NUDT12: variants seen among roughly 807,000 people sequenced by gnomAD.
NUDT12 encodes the protein nudix hydrolase 12, also known as NAD-capped RNA hydrolase NUDT12.
A neutral mutation model predicts 45.7 loss-of-function variants in NUDT12; 42 were observed. The ratio of observed to expected loss-of-function variants is 0.92; its 90% CI spans 0.72 to 1.19. NUDT12 has a LOEUF of 1.19. Among genes scored for constraint, NUDT12 ranks in the 50% most tolerant of loss-of-function variants. The pLI, the probability that NUDT12 is intolerant of heterozygous loss-of-function variation, is 0.00. For missense variants in NUDT12, 590 were observed against 533.1 expected (o/e 1.11, Z -1.05); for synonymous variants, 206 against 179.7 (o/e 1.15, Z -1.17).
At position 103,550,126 on chromosome 5, in the gene NUDT12, A is replaced by T. The variant is rs1038484567; in HGVS notation, c.*735T>A. 2.0e-5 allele frequency: 3 copies of T among 152,216 alleles called. No homozygotes were observed. The highest frequency in any genetic ancestry group is 4.8e-5 in the African/African-American group (2 of 41,452). 9.4% of individuals were successfully genotyped at this position (152,216 alleles called of 1,614,324 possible). On this transcript the variant is annotated 3_prime_UTR_variant, in exon 7 of 7. Transcript: ENST00000230792. ...GTTTGTCTTAATAACAGCTTTAGGT[A>T]TAAGTAACATATAAGTAGATATGTT... is the stretch of plus-strand genomic sequence containing the variant.
intron 2 of NUDT12, 84 bp downstream of exon 2, chr5:103,559,959 G>C (rs770233487): frequency 6.8e-5 from 66 of 965,332 alleles, no homozygotes; most frequent in Non-Finnish European, 9.7e-5. Flanking sequence ...TATAAATATG[G>C]AAACAAGCAA....
chr5:103,561,161 T>C (rs916432620), intron 1 of NUDT12, among the ~76,000 whole-genome samples: 1 of 152,082 alleles, frequency 6.6e-6, no homozygotes, highest in Non-Finnish European at 1.5e-5. Flanking sequence ...TTCTTCTTTC[T>C]ATGAAATGCT....
rs1748938992 is a variant in NUDT12 at position 103,559,226 on chromosome 5, A to C, written c.449T>G (p.Phe150Cys). ...LAKESHPATV[F>C]ILFSDLNPLV... ...GGGATTTAAATCTGAGAAAAGAATA[A>C]AAACTGTGGCTGGATGGCTTTCTTT... The change falls in exon 3 of 7, where the codon TTT (phenylalanine) becomes TGT (cysteine). Residue 150 changes from phenylalanine to cysteine, a missense_variant. Transcript: ENST00000230792. 6.4e-7 allele frequency: 1 copy of C among 1,565,990 alleles called. No individual in the cohort carries two copies. The highest frequency in any genetic ancestry group is 1.2e-5 in the South Asian group (1 of 81,334).
chr5:103,557,960 C>T (rs1469899250), intron 3 of NUDT12, among the ~76,000 whole-genome samples: 3 of 151,916 alleles, frequency 2.0e-5, no homozygotes, highest in African/African-American at 7.2e-5. Flanking sequence ...CAAAAGTAAA[C>T]TCTTGATTTT....
chr5:103,558,583 G>A (rs1748908084), intron 3 of NUDT12, among the ~76,000 whole-genome samples: 1 of 152,082 alleles, frequency 6.6e-6, no homozygotes, highest in Non-Finnish European at 1.5e-5. Flanking sequence ...AACAGTCAAA[G>A]TCTTTGCCAT....
chr5:103,551,075 T>C lies in NUDT12; in HGVS notation c.1279-104A>G, dbSNP rs572291795. The C allele has an allele frequency of 3.6e-4, 285 of 795,562 alleles. 3 individuals carry two copies. In the South Asian group the frequency reaches 4.7e-3, roughly 13 times the overall value. The allele number at this position is 795,562 out of a possible 1,614,324, so 49.3% of individuals were successfully genotyped here. The stretch of plus-strand genomic sequence containing the variant: ...AATTAAAATGTGATGAGTTTTACAG[T>C]GAATAACAACAGTAGAAAGTGACAA... On this transcript the variant is annotated intron_variant, in intron 6 of 6. Coordinates refer to ENST00000230792, the MANE Select transcript of NUDT12 (RefSeq NM_031438.4).
chr5:103,552,607 T>C (rs896020983), intron 5 of NUDT12, among the ~76,000 whole-genome samples, 191 bp from the exon 6 acceptor site: 4 of 152,138 alleles, frequency 2.6e-5, no homozygotes, highest in Non-Finnish European at 5.9e-5. Flanking sequence ...ATATAGAATA[T>C]CAAAATGCCA....
At chr5:103,554,039 C>T (rs763676543) in intron 5 of NUDT12, among the ~76,000 whole-genome samples, 6 of 151,970 alleles carry the variant, frequency 3.9e-5, no homozygotes, top group Admixed American at 1.3e-4. Context: ...ATATGATCCT[C>T]CTCCAAAACA....
intron 6 of NUDT12, among the ~76,000 whole-genome samples, chr5:103,551,350 T>C (rs2112443818): frequency 6.6e-6 from 1 of 152,250 alleles, no homozygotes; most frequent in African/African-American, 2.4e-5. Flanking sequence ...CTGGGCTCAA[T>C]CAAGCTTCCT....
At chr5:103,560,304 T>A in intron 1 of NUDT12, 50 bp from the exon 2 acceptor site, 1 of 1,113,918 alleles carries the variant, frequency 9.0e-7, no homozygotes. Context: ...ACTGCTTTTT[T>A]ATCAATGAAC....
chr5:103,560,142 G>A lies in NUDT12; in HGVS notation c.107C>T (p.Pro36Leu). 6.2e-7 allele frequency: 1 copy of A among 1,613,408 alleles called. No individual in the cohort carries two copies. Among genetic ancestry groups the A allele is most frequent in the Non-Finnish European group, 8.5e-7 (1 of 1,179,424 alleles). Residue 36 changes from proline (P) to leucine (L), a missense_variant, in exon 2 of 7, where the codon CCA (proline) becomes CTA (leucine). Pro to Leu is a moderately conservative substitution (Grantham distance 98). Transcript: ENST00000230792. ...AKLTGILSHS[P>L]SLLNETSENG... ...TTCAGAAGTTTCATTGAGAAGAGAT[G>A]GAGAATGACTGAGTATTCCTGTTAA...
At chr5:103,553,949 A>G (rs1280840019) in intron 5 of NUDT12, among the ~76,000 whole-genome samples, 1 of 151,972 alleles carries the variant, frequency 6.6e-6, no homozygotes, top group Admixed American at 6.6e-5. Flanking sequence ...AATCACTGTA[A>G]TAGTGTATTT....
At chr5:103,554,597 T>C in intron 5 of NUDT12, 143 bp downstream of exon 5, 2 of 369,524 alleles carry the variant, frequency 5.4e-6, no homozygotes, top group Non-Finnish European at 9.8e-6. Flanking sequence ...GTTTATATTA[T>C]TAAAATTGTA....
At position 103,559,121 on chromosome 5, in the gene NUDT12, T is replaced by C. The variant is rs1748933588; in HGVS notation, c.554A>G (p.Lys185Arg). ...CTTCTCAGGCTGGGCCAAATAATCC[T>C]TTATATCTGTGTAGTTCAGCTGACA... ...RLCQLNYTDI[K>R]DYLAQPEKIT... The change falls in exon 3 of 7, where the codon AAG becomes AGG. Residue 185 changes from lysine to arginine, a missense_variant. Physicochemically the swap from Lys to Arg is conservative, Grantham distance 26. Transcript: ENST00000230792. 8.7e-6 allele frequency: 14 copies of C among 1,603,424 alleles called. No individual in the cohort carries two copies. Among genetic ancestry groups the C allele is most frequent in the Non-Finnish European group, 1.1e-5 (13 of 1,175,634 alleles).
chr5:103,554,609 CA>C (rs1204136631), intron 5 of NUDT12, 130 bp downstream of exon 5: 25 of 378,448 alleles, frequency 6.6e-5, no homozygotes, highest in Non-Finnish European at 9.6e-6. Flanking sequence ...AAAATTGTAT[CA>C]TTTTTAAAAT....
intron 2 of NUDT12, 183 bp downstream of exon 2, chr5:103,559,860 C>G (rs1009463778): frequency 1.8e-6 from 1 of 562,248 alleles, no homozygotes; most frequent in African/African-American, 1.9e-5. Context: ...AATAATTTCT[C>G]AATGAAAAAG....
rs145941199 is a variant in NUDT12, at chr5:103,559,429, T to G, written c.246A>C (p.Ala82=). Residue 82 remains alanine (A), a synonymous_variant, in exon 3 of 7, where the codon GCA becomes GCC. Transcript: ENST00000230792. ...AACCCCAAAATACAGCAATGTCCAG[T>G]GCAGTCTGCCTTGATTTATTGACAA... ...RSIVNKSRQT[A]LDIAVFWGYK... is the part of the protein sequence containing the mutation. The G allele has an allele frequency of 1.6e-4, 253 of 1,583,568 alleles. No homozygotes were observed. The highest frequency in any genetic ancestry group is 2.0e-4 in the Non-Finnish European group (234 of 1,167,584).
chr5:103,557,622 C>A (rs897061243), intron 3 of NUDT12, among the ~76,000 whole-genome samples: 7 of 151,936 alleles, frequency 4.6e-5, no homozygotes, highest in Non-Finnish European at 7.4e-5. Flanking sequence ...TTGCCTTCAT[C>A]TTACTCAAGT....
intron 1 of NUDT12, among the ~76,000 whole-genome samples, chr5:103,560,572 A>G (rs1199831333): frequency 1.2e-5 from 1 of 86,122 alleles, no homozygotes. Flanking sequence ...TTTAGGGTAG[A>G]CCAGAGGGGA....
Sources: allele counts gnomAD v4.1 joint callset (sites outside exome capture counted in the v4.1 genomes callset), GRCh38; gene constraint gnomAD v4.1.1; transcripts MANE v1.5; gene names NCBI Gene and HGNC (gene_info 2026-07-23, HGNC 2026-07-21).